SGK3: variants seen among roughly 807,000 people sequenced by gnomAD.
SGK3 encodes the protein serine/threonine-protein kinase Sgk3.
A neutral mutation model predicts 68.5 loss-of-function variants in SGK3; 47 were observed. The ratio of observed to expected loss-of-function variants is 0.69; its 90% confidence interval spans 0.54 to 0.87. SGK3 has a LOEUF of 0.87. Among genes scored for constraint, SGK3 ranks in the 40% least tolerant of loss-of-function variants. The pLI is 0.00. For synonymous variants in SGK3, 181 were observed against 189.1 expected, an observed-to-expected ratio of 0.96 and a Z score of 0.35; for missense variants, 479 against 575.5, an observed-to-expected ratio of 0.83 and a Z score of 1.72.
chr8:66,760,330 C>CTTTTTTTT (rs201559163), intron 1 of SGK3, among the ~76,000 whole-genome samples: 183 of 115,624 alleles, frequency 1.6e-3, no homozygotes, highest in Non-Finnish European at 2.4e-3. Flanking sequence ...TTTCTTTTTT[C>CTTTTTTTT]TTTTTTTTTT....
chr8:66,834,864 C>T (rs1320523670), intron 8 of SGK3, among the ~76,000 whole-genome samples: 7 of 147,558 alleles, frequency 4.7e-5, no homozygotes, highest in South Asian at 2.2e-4. Flanking sequence ...GGTGTGAACC[C>T]GGGAGGCGGA....
intron 8 of SGK3, among the ~76,000 whole-genome samples, chr8:66,833,538 A>G (rs1036686987): frequency 1.3e-5 from 2 of 152,176 alleles, no homozygotes; most frequent in African/African-American, 2.4e-5. Context: ...CAGAAATTCT[A>G]TTTGAATTTG....
chr8:66,761,701 G>A (rs1460874741), intron 1 of SGK3, among the ~76,000 whole-genome samples: 6 of 151,946 alleles, frequency 3.9e-5, no homozygotes, highest in Non-Finnish European at 7.4e-5. Flanking sequence ...CCCAGTTGGC[G>A]GAGGTAACAG....
At chr8:66,775,857 A>G (rs2130504159) in intron 1 of SGK3, among the ~76,000 whole-genome samples, 1 of 151,312 alleles carries the variant, frequency 6.6e-6, no homozygotes, top group East Asian at 1.9e-4. Flanking sequence ...AGCTAAAATC[A>G]TGGTTTTGAA....
intron 1 of SGK3, among the ~76,000 whole-genome samples, chr8:66,767,192 A>T (rs1488087790): frequency 1.3e-5 from 2 of 152,086 alleles, no homozygotes; most frequent in East Asian, 3.9e-4. Flanking sequence ...TCTGTTCTTC[A>T]TTTCATTTTT....
intron 4 of SGK3, among the ~76,000 whole-genome samples, chr8:66,809,492 G>C (rs1359101027): frequency 6.6e-6 from 1 of 152,116 alleles, no homozygotes; most frequent in African/African-American, 2.4e-5. Context: ...AATTATCATA[G>C]CAGGTTAGAG....
chr8:66,751,008 A>G (rs1024039678), intron 1 of SGK3, among the ~76,000 whole-genome samples: 7 of 148,978 alleles, frequency 4.7e-5, no homozygotes, highest in Non-Finnish European at 9.0e-5. Flanking sequence ...TCCTGTCTCA[A>G]AAAAAAAAAG....
chr8:66,800,847 A>G (rs976162885), intron 3 of SGK3, among the ~76,000 whole-genome samples: 2 of 152,198 alleles, frequency 1.3e-5, no homozygotes, highest in Non-Finnish European at 2.9e-5. Context: ...AGCTGGGTGT[A>G]GTGGCACATG....
At chr8:66,727,680 C>G (rs1006718867) in intron 1 of SGK3, among the ~76,000 whole-genome samples, 1 of 152,110 alleles carries the variant, frequency 6.6e-6, no homozygotes, top group African/African-American at 2.4e-5. Flanking sequence ...TCCTTTTTGC[C>G]CTTTCTACCT....
At chr8:66,829,057 A>G (rs915383579) in intron 7 of SGK3, among the ~76,000 whole-genome samples, 1 of 152,034 alleles carries the variant, frequency 6.6e-6, no homozygotes, top group African/African-American at 2.4e-5. Context: ...GTCCTCTGAA[A>G]AAAAGCACCC....
intron 1 of SGK3, among the ~76,000 whole-genome samples, chr8:66,786,580 T>G (rs1227548757): frequency 6.6e-6 from 1 of 152,260 alleles, no homozygotes; most frequent in Non-Finnish European, 1.5e-5. Context: ...TGGACAAATT[T>G]GCGTTTGAAT....
At chr8:66,853,635 C>T (rs1810386810) in intron 16 of SGK3, among the ~76,000 whole-genome samples, 1 of 152,120 alleles carries the variant, frequency 6.6e-6, no homozygotes, top group South Asian at 2.1e-4. Flanking sequence ...TCCAACTAGT[C>T]TACATTAAAA....
chr8:66,728,990 C>T lies in SGK3; in HGVS notation c.-122+16157C>T, dbSNP rs184437116. ...ATCCCAGCACTTTGGGAGGCTGAGG[C>T]GGGCGGATCACAAGGTCAGGAGATG... On this transcript the variant is annotated intron_variant, in intron 1 of 16. Coordinates refer to ENST00000521198, the MANE Select transcript of SGK3 (RefSeq NM_001033578.3). 3.6e-3 allele frequency among the ~76,000 whole-genome samples: 550 copies of T among 151,626 alleles called. 5 individuals carry two copies. Among genetic ancestry groups the T allele is most frequent in the African/African-American group, 0.013 (530 of 41,380 alleles).
chr8:66,764,646 T>C (rs1032479486), intron 1 of SGK3, among the ~76,000 whole-genome samples: 2 of 152,024 alleles, frequency 1.3e-5, no homozygotes, highest in Admixed American at 1.3e-4. Context: ...TTTTTTTTTG[T>C]TAATTTTGTC....
rs151138504 is a variant in SGK3, at chr8:66,734,661, G to T, written c.-122+21828G>T. On this transcript the variant is annotated intron_variant, in intron 1 of 16. Coordinates refer to ENST00000521198, the MANE Select transcript of SGK3 (RefSeq NM_001033578.3). ...AGGTCAACTGTTGTCAAAAGTAGGT[G>T]CAGGGCCAGGCATAGTGGCTCACAC... is the stretch of plus-strand genomic sequence containing the variant. 3.8e-3 allele frequency among the ~76,000 whole-genome samples: 583 copies of T among 152,212 alleles called. 4 individuals are homozygous for T. Among genetic ancestry groups the T allele is most frequent in the African/African-American group, 0.013 (536 of 41,528 alleles).
intron 15 of SGK3, among the ~76,000 whole-genome samples, chr8:66,847,795 T>C (rs566898249): frequency 6.6e-6 from 1 of 152,200 alleles, no homozygotes; most frequent in East Asian, 1.9e-4. Flanking sequence ...AATCATTTCC[T>C]TTAGCAGGAA....
chr8:66,719,866 C>A (rs1361730272), intron 1 of SGK3, among the ~76,000 whole-genome samples: 2 of 152,166 alleles, frequency 1.3e-5, no homozygotes, highest in African/African-American at 4.8e-5. Flanking sequence ...TGGCAAGCGG[C>A]TATTAGCATT....
At chr8:66,828,361 A>T (rs577719131) in intron 6 of SGK3, among the ~76,000 whole-genome samples, 2 of 152,194 alleles carry the variant, frequency 1.3e-5, no homozygotes, top group African/African-American at 4.8e-5. Context: ...CCACCTCCTC[A>T]AAGGAGCTTT....
At chr8:66,820,282 G>A (rs1197108308) in intron 5 of SGK3, among the ~76,000 whole-genome samples, 3 of 152,220 alleles carry the variant, frequency 2.0e-5, no homozygotes, top group South Asian at 2.1e-4. Flanking sequence ...GTACAGATTT[G>A]CCTATTAAAA....
Sources: allele counts gnomAD v4.1 joint callset (sites outside exome capture counted in the v4.1 genomes callset), GRCh38; gene constraint gnomAD v4.1.1; transcripts MANE v1.5; gene names NCBI Gene and HGNC (gene_info 2026-07-23, HGNC 2026-07-21).